Variants in EYA1 observed in about 807,000 individuals in gnomAD.
The protein encoded by EYA1 is EYA transcriptional coactivator and phosphatase 1, also known as protein phosphatase EYA1.
In EYA1, 16 loss-of-function variants were observed where a neutral mutation model predicts 82.0. The observed-to-expected ratio is 0.20, with a 90% confidence interval of 0.13 to 0.30. The LOEUF is 0.30. EYA1 is among the 10% of genes least tolerant of loss of function. EYA1 has a pLI of 1.00. For synonymous variants in EYA1, 261 were observed against 264.4 expected, an observed-to-expected ratio of 0.99 and a Z score of 0.12; for missense variants, 633 against 730.7, an observed-to-expected ratio of 0.87 and a Z score of 1.54.
At chr8:71,371,875 C>G (rs142232871) in intron 2 of EYA1, among the ~76,000 whole-genome samples, 4 of 151,732 alleles carry the variant, frequency 2.6e-5, no homozygotes, top group Admixed American at 6.6e-5. Context: ...AAACTCAATA[C>G]GGGTTGAAAA....
intron 3 of EYA1, 47 bp downstream of exon 3, chr8:71,354,735 A>G (rs1429844039): frequency 6.3e-7 from 1 of 1,592,030 alleles, no homozygotes; most frequent in Admixed American, 1.7e-5. Context: ...GCATATACTG[A>G]TGAAGAAACA....
intron 11 of EYA1, among the ~76,000 whole-genome samples, chr8:71,264,119 G>C (rs1344058169): frequency 3.3e-5 from 5 of 152,182 alleles, no homozygotes; most frequent in African/African-American, 4.8e-5. Flanking sequence ...CCAAAAGGGA[G>C]ATCATCCTGG....
At chr8:71,399,077 C>T (rs577944906) in intron 2 of EYA1, among the ~76,000 whole-genome samples, 9 of 152,292 alleles carry the variant, frequency 5.9e-5, no homozygotes, top group African/African-American at 2.2e-4. Context: ...GCTCTGTGGG[C>T]GTGGGACCCT....
chr8:71,406,455 T>C (rs565277810), intron 2 of EYA1, among the ~76,000 whole-genome samples: 2 of 152,320 alleles, frequency 1.3e-5, no homozygotes, highest in South Asian at 4.1e-4. Flanking sequence ...CATTTCCATC[T>C]GAGGTACCGG....
chr8:71,341,048 GTCAGTTATGTTA>G (rs1825071047), intron 3 of EYA1, among the ~76,000 whole-genome samples: 1 of 152,158 alleles, frequency 6.6e-6, no homozygotes, highest in Non-Finnish European at 1.5e-5. Context: ...CAGGACATGT[GTCAGTTATGTTA>G]TTTTGAAAAG....
chr8:71,330,104 G>C (rs1181710089), intron 4 of EYA1, among the ~76,000 whole-genome samples: 9 of 152,190 alleles, frequency 5.9e-5, no homozygotes, highest in African/African-American at 1.9e-4. Context: ...AACAAGGTCA[G>C]ACAGTCTCTG....
At chr8:71,359,689 T>C (rs1217939525) in intron 1 of EYA1, among the ~76,000 whole-genome samples, 1 of 152,182 alleles carries the variant, frequency 6.6e-6, no homozygotes, top group Admixed American at 6.5e-5. Flanking sequence ...CCATAGGCTT[T>C]TTTTGCTTGC....
At chr8:71,340,826 A>G (rs1825042660) in intron 3 of EYA1, among the ~76,000 whole-genome samples, 1 of 152,156 alleles carries the variant, frequency 6.6e-6, no homozygotes, top group Non-Finnish European at 1.5e-5. Context: ...ACTTAGCCCA[A>G]CGTTTGGCTT....
intron 2 of EYA1, among the ~76,000 whole-genome samples, chr8:71,379,345 A>C (rs903607886): frequency 6.6e-6 from 1 of 152,076 alleles, no homozygotes; most frequent in Non-Finnish European, 1.5e-5. Flanking sequence ...CAGCACAGGC[A>C]CTAAGGCCAG....
intron 11 of EYA1, among the ~76,000 whole-genome samples, chr8:71,249,409 C>T (rs952653301): frequency 6.1e-5 from 8 of 131,984 alleles, no homozygotes; most frequent in African/African-American, 2.8e-4. Flanking sequence ...CAAACATATT[C>T]TTCTTCACAT....
intron 2 of EYA1, among the ~76,000 whole-genome samples, chr8:71,515,513 T>C (rs1812907245): frequency 6.6e-6 from 1 of 152,052 alleles, no homozygotes; most frequent in African/African-American, 2.4e-5. Context: ...TGGTAGCACA[T>C]TGTTACTAGT....
intron 1 of EYA1, among the ~76,000 whole-genome samples, chr8:71,544,638 C>G (rs1199175338): frequency 6.6e-6 from 1 of 152,192 alleles, no homozygotes; most frequent in East Asian, 1.9e-4. Flanking sequence ...CCTAAAGGCT[C>G]TGCTCTCTAG....
At chr8:71,386,513 C>A (rs1334416177) in intron 2 of EYA1, among the ~76,000 whole-genome samples, 1 of 152,132 alleles carries the variant, frequency 6.6e-6, no homozygotes, top group Non-Finnish European at 1.5e-5. Context: ...CTGTATGGAC[C>A]AACATTGTCT....
chr8:71,458,713 C>T (rs921799831), intron 2 of EYA1, among the ~76,000 whole-genome samples: 2 of 152,072 alleles, frequency 1.3e-5, no homozygotes, highest in African/African-American at 2.4e-5. Context: ...TGGAGCCACT[C>T]CTGAAGATAA....
chr8:71,417,695 C>T (rs924339368), intron 2 of EYA1, among the ~76,000 whole-genome samples: 4 of 152,160 alleles, frequency 2.6e-5, no homozygotes, highest in Non-Finnish European at 4.4e-5. Flanking sequence ...CTGAACCAGA[C>T]AGCCCTCTAT....
At chr8:71,419,139 A>G (rs1831011138) in intron 2 of EYA1, among the ~76,000 whole-genome samples, 2 of 152,178 alleles carry the variant, frequency 1.3e-5, no homozygotes, top group African/African-American at 4.8e-5. Context: ...GGGTTTGAGC[A>G]GAGGCATGGC....
intron 2 of EYA1, among the ~76,000 whole-genome samples, chr8:71,453,573 T>C (rs951191855): frequency 6.6e-6 from 1 of 152,208 alleles, no homozygotes; most frequent in Non-Finnish European, 1.5e-5. Context: ...GCTGATCTCT[T>C]GGCAGAAACT....
At chr8:71,455,241 T>C (rs905952967) in intron 2 of EYA1, among the ~76,000 whole-genome samples, 12 of 150,920 alleles carry the variant, frequency 8.0e-5, no homozygotes, top group African/African-American at 2.9e-4. Context: ...CAATAAGAGG[T>C]TCTTAAATTG....
In EYA1 at chr8:71,401,448, C is replaced by T. The variant is rs1357537904; in HGVS notation, c.34-44937G>A. ...TTACTTTGTTAGTTTCTCATTACTG[C>T]AAGTAAATAATTAATTTTCATTGTT... On this transcript the variant is annotated intron_variant, in intron 2 of 18. Coordinates refer to the EYA1 transcript ENST00000643681. 2.6e-5 allele frequency among the ~76,000 whole-genome samples: 4 copies of T among 152,160 alleles called. 1 individual carries two copies. In the East Asian group the frequency reaches 7.7e-4, roughly 29 times the overall value.
Sources: gnomAD v4.1 joint callset for allele counts (sites outside exome capture counted in the v4.1 genomes callset) on GRCh38, gnomAD v4.1.1 for gene constraint, MANE v1.5 for transcripts, NCBI Gene and HGNC (gene_info 2026-07-23, HGNC 2026-07-21) for gene names.